ADAMTS12: variants seen among roughly 807,000 people sequenced by gnomAD.
ADAMTS12 encodes ADAM metallopeptidase with thrombospondin type 1 motif 12.
In ADAMTS12, 118 loss-of-function variants were observed where a neutral mutation model predicts 167.8. That is an observed-to-expected ratio of 0.70 (90% CI 0.61 to 0.82). ADAMTS12 has a LOEUF of 0.82. Ranked by LOEUF, ADAMTS12 falls within the 40% of genes least tolerant of loss-of-function variation. The probability of loss-of-function intolerance (pLI) is 0.00; values close to 1 mark genes in which losing one functional copy is unlikely to be tolerated. For missense variants in ADAMTS12, 1,916 were observed against 1,998.8 expected (o/e 0.96, Z 0.79); for synonymous variants, 704 against 716.9 (o/e 0.98, Z 0.29).
chr5:33,763,424 C>G (rs1745424181), intron 2 of ADAMTS12, among the ~76,000 whole-genome samples: 1 of 152,212 alleles, frequency 6.6e-6, no homozygotes, highest in Non-Finnish European at 1.5e-5. Context: ...AAAACAGATT[C>G]TCCCCTGGAC....
intron 2 of ADAMTS12, among the ~76,000 whole-genome samples, chr5:33,817,900 T>C (rs923671592): frequency 2.6e-5 from 4 of 152,148 alleles, no homozygotes; most frequent in African/African-American, 4.8e-5. Flanking sequence ...TAGTAGAATA[T>C]AGAGATACTT....
At chr5:33,559,785 C>G (rs1022856042) in intron 20 of ADAMTS12, among the ~76,000 whole-genome samples, 1 of 152,132 alleles carries the variant, frequency 6.6e-6, no homozygotes, top group Admixed American at 6.6e-5. Context: ...GAGGTTAAGG[C>G]ACGAGAATCG....
intron 2 of ADAMTS12, among the ~76,000 whole-genome samples, chr5:33,809,893 G>T (rs1265652875): frequency 6.6e-6 from 1 of 151,080 alleles, no homozygotes; most frequent in Non-Finnish European, 1.5e-5. Flanking sequence ...GGGGGTGGGG[G>T]TGAAAGAGGA....
intron 3 of ADAMTS12, among the ~76,000 whole-genome samples, chr5:33,708,595 A>G (rs1033441019): frequency 3.9e-5 from 6 of 152,172 alleles, no homozygotes; most frequent in African/African-American, 9.7e-5. Flanking sequence ...GCACATATAC[A>G]CCATGGAATA....
chr5:33,750,212 T>C (rs939317949), intron 3 of ADAMTS12, among the ~76,000 whole-genome samples: 3 of 152,244 alleles, frequency 2.0e-5, no homozygotes, highest in Non-Finnish European at 4.4e-5. Flanking sequence ...TGTTAGAGGA[T>C]TTAGCCAGCA....
intron 2 of ADAMTS12, among the ~76,000 whole-genome samples, chr5:33,804,423 G>A (rs1278741289): frequency 1.3e-5 from 2 of 152,174 alleles, no homozygotes; most frequent in African/African-American, 4.8e-5. Context: ...GAGCAGACCT[G>A]AGCCCAACCC....
chr5:33,677,991 T>C (rs1037759319), intron 5 of ADAMTS12, among the ~76,000 whole-genome samples: 4 of 152,152 alleles, frequency 2.6e-5, no homozygotes, highest in African/African-American at 9.7e-5. Flanking sequence ...CAAGGTCTGT[T>C]GAAACCACCG....
chr5:33,735,177 G>T (rs138818394), intron 3 of ADAMTS12, among the ~76,000 whole-genome samples: 1 of 152,134 alleles, frequency 6.6e-6, no homozygotes, highest in Non-Finnish European at 1.5e-5. Flanking sequence ...AATTTGCCCC[G>T]GGTCTTCTTT....
intron 11 of ADAMTS12, among the ~76,000 whole-genome samples, chr5:33,640,591 A>C (rs1316798053): frequency 1.3e-5 from 2 of 152,232 alleles, no homozygotes; most frequent in Non-Finnish European, 2.9e-5. Context: ...CTTGGTTTTG[A>C]ATTTTGAAAG....
intron 2 of ADAMTS12, among the ~76,000 whole-genome samples, chr5:33,808,828 CA>C (rs1408163815): frequency 6.6e-6 from 1 of 152,168 alleles, no homozygotes; most frequent in Non-Finnish European, 1.5e-5. Flanking sequence ...TAAAGTTACA[CA>C]AACAAAAAGA....
chr5:33,552,331 T>TA (rs2017212109), intron 20 of ADAMTS12, among the ~76,000 whole-genome samples: 1 of 152,220 alleles, frequency 6.6e-6, no homozygotes, highest in South Asian at 2.1e-4. Flanking sequence ...ATCAAGTGGC[T>TA]ATGTGACTGC....
chr5:33,703,057 T>G (rs1188964098), intron 3 of ADAMTS12, among the ~76,000 whole-genome samples: 2 of 152,210 alleles, frequency 1.3e-5, no homozygotes, highest in Admixed American at 6.5e-5. Context: ...TGAGATTCTA[T>G]TTTGATATGC....
intron 5 of ADAMTS12, among the ~76,000 whole-genome samples, chr5:33,665,514 C>A (rs1453736357): frequency 6.6e-6 from 1 of 151,858 alleles, no homozygotes; most frequent in Non-Finnish European, 1.5e-5. Flanking sequence ...CAATTTTTAT[C>A]AATTAAAAAT....
At chr5:33,771,142 A>G (rs957001899) in intron 2 of ADAMTS12, among the ~76,000 whole-genome samples, 2 of 152,212 alleles carry the variant, frequency 1.3e-5, no homozygotes, top group South Asian at 2.1e-4. Flanking sequence ...GTTCAATCCT[A>G]TATCTATTAA....
At chr5:33,608,880 C>G (rs1444776493) in intron 16 of ADAMTS12, among the ~76,000 whole-genome samples, 2 of 152,112 alleles carry the variant, frequency 1.3e-5, no homozygotes, top group African/African-American at 4.8e-5. Context: ...AAACAAGAAG[C>G]TAGAAACAGA....
intron 20 of ADAMTS12, among the ~76,000 whole-genome samples, chr5:33,553,909 A>C (rs1745373810): frequency 6.6e-6 from 1 of 152,204 alleles, no homozygotes. Context: ...AACAGCATCA[A>C]AATTCATGGG....
intron 2 of ADAMTS12, among the ~76,000 whole-genome samples, chr5:33,854,403 A>G (rs568040549): frequency 2.0e-5 from 3 of 151,868 alleles, no homozygotes; most frequent in South Asian, 4.2e-4. Context: ...AGAAGAGATA[A>G]ACACCAGAAG....
chr5:33,768,957 A>G (rs1482228091), intron 2 of ADAMTS12, among the ~76,000 whole-genome samples: 4 of 151,760 alleles, frequency 2.6e-5, no homozygotes, highest in Non-Finnish European at 4.4e-5. Context: ...GTTGCTAATC[A>G]GCTGACCTTC....
At chr5:33,871,747 AAGAG>A (rs1195259027) in intron 2 of ADAMTS12, among the ~76,000 whole-genome samples, 2 of 152,178 alleles carry the variant, frequency 1.3e-5, no homozygotes, top group Non-Finnish European at 2.9e-5. Flanking sequence ...CTAAGAAAAA[AAGAG>A]AAAGAACACA....
Sources: allele counts gnomAD v4.1 joint callset (sites outside exome capture counted in the v4.1 genomes callset), GRCh38; gene constraint gnomAD v4.1.1; transcripts MANE v1.5; gene names NCBI Gene and HGNC (gene_info 2026-07-23, HGNC 2026-07-21).